ZNF521: variants seen among roughly 807,000 people sequenced by gnomAD.
ZNF521 encodes zinc finger protein 521.
A neutral mutation model predicts 105.5 loss-of-function variants in ZNF521; 14 were observed. That is an observed-to-expected ratio of 0.13 (90% CI 0.09 to 0.21). The LOEUF is 0.21. Ranked by LOEUF, ZNF521 falls within the 10% of genes least tolerant of loss-of-function variation. The pLI, the probability that ZNF521 is intolerant of heterozygous loss-of-function variation, is 1.00. For synonymous variants in ZNF521, 635 were observed against 606.0 expected (o/e 1.05, Z -0.70); for missense variants, 1,233 against 1,629.7 (o/e 0.76, Z 4.19).
At chr18:25,127,125 G>A (rs2034552820) in intron 5 of ZNF521, among the ~76,000 whole-genome samples, 1 of 152,060 alleles carries the variant, frequency 6.6e-6, no homozygotes, top group Non-Finnish European at 1.5e-5. Flanking sequence ...GAGGAAATAT[G>A]ATGTGGAAGC....
At chr18:25,294,241 A>T (rs942279681) in intron 3 of ZNF521, among the ~76,000 whole-genome samples, 2 of 152,216 alleles carry the variant, frequency 1.3e-5, no homozygotes, top group African/African-American at 4.8e-5. Flanking sequence ...TAAGACATGT[A>T]TACTAATTTT....
At chr18:25,293,386 A>ACACACACACACACACAC in intron 3 of ZNF521, among the ~76,000 whole-genome samples, 1 of 151,410 alleles carries the variant, frequency 6.6e-6, no homozygotes, top group African/African-American at 2.4e-5. Flanking sequence ...ACACACACAC[A>ACACACACACACACACAC]AATTCCTTAA....
chr18:25,295,255 A>T (rs535771098), intron 3 of ZNF521, among the ~76,000 whole-genome samples: 16 of 152,132 alleles, frequency 1.1e-4, no homozygotes, highest in Non-Finnish European at 2.1e-4. Flanking sequence ...ATGGTTCCAT[A>T]CTGTATGTAT....
chr18:25,079,659 C>T (rs1287312311), intron 7 of ZNF521, among the ~76,000 whole-genome samples: 4 of 143,752 alleles, frequency 2.8e-5, no homozygotes, highest in African/African-American at 8.0e-5. Context: ...AGGAAGTGAG[C>T]GCACAGATGG....
chr18:25,241,723 T>C (rs1907347093), intron 3 of ZNF521, among the ~76,000 whole-genome samples: 1 of 152,180 alleles, frequency 6.6e-6, no homozygotes, highest in African/African-American at 2.4e-5. Context: ...ACATCTTTAG[T>C]ATCCTATGGA....
At chr18:25,252,228 GAA>G (rs530475270) in intron 3 of ZNF521, among the ~76,000 whole-genome samples, 15 of 152,094 alleles carry the variant, frequency 9.9e-5, no homozygotes, top group African/African-American at 3.6e-4. Context: ...AGGAAAATAT[GAA>G]AGGTTATAAT....
At chr18:25,317,674 T>C (rs1178609698) in intron 3 of ZNF521, among the ~76,000 whole-genome samples, 2 of 152,204 alleles carry the variant, frequency 1.3e-5, no homozygotes, top group Non-Finnish European at 2.9e-5. Context: ...AATGGCATCT[T>C]ACTAATCATC....
chr18:25,184,615 C>T (rs1205497916), intron 5 of ZNF521, among the ~76,000 whole-genome samples: 1 of 152,156 alleles, frequency 6.6e-6, no homozygotes, highest in Non-Finnish European at 1.5e-5. Context: ...TGCTCTTTGG[C>T]CCACAATTGG....
rs142043203 is a variant in ZNF521 at position 25,064,906 on chromosome 18, A to C, written c.3907-2165T>G. 4.3e-3 allele frequency among the ~76,000 whole-genome samples: 659 copies of C among 152,360 alleles called. 4 individuals are homozygous for C. The highest frequency in any genetic ancestry group is 0.015 in the African/African-American group (608 of 41,584). On this transcript the variant is annotated intron_variant, in intron 7 of 7. Coordinates refer to ENST00000361524, the MANE Select transcript of ZNF521 (RefSeq NM_015461.3). ...CTTAATAGTCCCAGCCTCAGAGTGA[A>C]TACAGGAAATAGCAAATTGTTTTTA...
chr18:25,275,602 T>A (rs1002839561), intron 3 of ZNF521, among the ~76,000 whole-genome samples: 3 of 152,210 alleles, frequency 2.0e-5, no homozygotes, highest in African/African-American at 7.2e-5. Context: ...CCACACTGTA[T>A]CCACATGATG....
chr18:25,318,960 A>G (rs376688629), intron 3 of ZNF521, among the ~76,000 whole-genome samples: 18 of 151,502 alleles, frequency 1.2e-4, no homozygotes, highest in East Asian at 7.7e-4. Flanking sequence ...AAGAAAAAAA[A>G]AAAAGAAAAG....
chr18:25,090,258 A>G (rs1163694999), intron 6 of ZNF521, among the ~76,000 whole-genome samples: 1 of 152,232 alleles, frequency 6.6e-6, no homozygotes, highest in African/African-American at 2.4e-5. Context: ...GGTTGGCAGA[A>G]CTGACTTCTG....
At chr18:25,099,483 CA>C (rs961591197) in intron 5 of ZNF521, among the ~76,000 whole-genome samples, 1 of 152,052 alleles carries the variant, frequency 6.6e-6, no homozygotes, top group African/African-American at 2.4e-5. Context: ...ACTGATAAGC[CA>C]AAACTTATCC....
intron 5 of ZNF521, among the ~76,000 whole-genome samples, chr18:25,187,553 C>T (rs900793383): frequency 6.6e-6 from 1 of 151,964 alleles, no homozygotes; most frequent in Non-Finnish European, 1.5e-5. Flanking sequence ...CATAGAAATA[C>T]ACAAACATTT....
intron 2 of ZNF521, among the ~76,000 whole-genome samples, chr18:25,331,793 C>T (rs1228935504): frequency 6.6e-6 from 1 of 152,000 alleles, no homozygotes; most frequent in Admixed American, 6.6e-5. Flanking sequence ...GCAATACTCA[C>T]TTTCACATTT....
At chr18:25,327,169 G>A (rs548080576) in intron 2 of ZNF521, among the ~76,000 whole-genome samples, 1 of 152,278 alleles carries the variant, frequency 6.6e-6, no homozygotes, top group East Asian at 1.9e-4. Context: ...ACTTTAGAAA[G>A]CTGCCCGAGT....
intron 3 of ZNF521, among the ~76,000 whole-genome samples, chr18:25,316,871 TGA>T (rs1218446596): frequency 8.9e-6 from 1 of 112,940 alleles, no homozygotes; most frequent in Non-Finnish European, 1.9e-5. Context: ...TTTTTTTTTT[TGA>T]GACAGAGTTT....
At chr18:25,085,417 A>G (rs142965445) in intron 7 of ZNF521, among the ~76,000 whole-genome samples, 1,843 of 152,118 alleles carry the variant, frequency 0.012, 43 homozygotes, top group African/African-American at 0.042. Flanking sequence ...TAAGGGCTTC[A>G]TCTGGCCTAA....
chr18:25,344,260 G>A (rs373202022), intron 2 of ZNF521, among the ~76,000 whole-genome samples: 15 of 148,994 alleles, frequency 1.0e-4, no homozygotes, highest in East Asian at 5.8e-4. Context: ...ATCTTGTGTC[G>A]GGCTTTTTAT....
Sources: allele counts gnomAD v4.1 joint callset (sites outside exome capture counted in the v4.1 genomes callset), GRCh38; gene constraint gnomAD v4.1.1; transcripts MANE v1.5; gene names NCBI Gene and HGNC (gene_info 2026-07-23, HGNC 2026-07-21).